ZRANB3: variants seen among roughly 807,000 people sequenced by gnomAD.
The protein encoded by ZRANB3 is DNA annealing helicase and endonuclease ZRANB3.
Under a neutral mutation model 133.8 loss-of-function variants are expected in ZRANB3, and 125 were observed. The ratio of observed to expected loss-of-function variants is 0.93; its 90% CI spans 0.81 to 1.08. ZRANB3 has a LOEUF of 1.08. Ranked by LOEUF, ZRANB3 falls within the 50% of genes least tolerant of loss-of-function variation. The pLI is 0.00. For synonymous variants in ZRANB3, 387 were observed against 432.7 expected (o/e 0.89, Z 1.31); for missense variants, 1,229 against 1,275.5 (o/e 0.96, Z 0.56).
chr2:135,494,472 T>G (rs1380478140), intron 2 of ZRANB3, among the ~76,000 whole-genome samples: 1 of 152,124 alleles, frequency 6.6e-6, no homozygotes, highest in African/African-American at 2.4e-5. Flanking sequence ...TGACAAAATT[T>G]GATTTGAACA....
At chr2:135,367,724 C>A (rs1239976681) in intron 3 of ZRANB3, among the ~76,000 whole-genome samples, 1 of 152,074 alleles carries the variant, frequency 6.6e-6, no homozygotes, top group Non-Finnish European at 1.5e-5. Flanking sequence ...TAACTTTTCC[C>A]TATAATGCAA....
intron 8 of ZRANB3, among the ~76,000 whole-genome samples, chr2:135,301,922 G>A (rs570470901): frequency 3.9e-5 from 6 of 152,274 alleles, no homozygotes; most frequent in African/African-American, 1.2e-4. Flanking sequence ...CACATAGTAG[G>A]CAATCAATAA....
chr2:135,248,883 G>A lies in ZRANB3; in HGVS notation c.1539+16651C>T, dbSNP rs980121766. On this transcript the variant is annotated intron_variant, in intron 12 of 20. Transcript: ENST00000264159. ...ATTGCACCATCACATTCCAGCCTGG[G>A]TGAGAAAGCAAGACTCTGTCTCAAC... 2.0e-5 allele frequency among the ~76,000 whole-genome samples: 3 copies of A among 152,088 alleles called. No individual in the cohort carries two copies. The East Asian group carries it at 5.8e-4, about 29-fold the overall frequency.
Position 135,354,590 on chromosome 2 carries a change from C to G in ZRANB3, c.181-962G>C, listed in dbSNP as rs1053768008. On this transcript the variant is annotated intron_variant, in intron 3 of 20. Transcript: ENST00000264159. ...CATATTCATACAATGGAGTACTATT[C>G]GGTAATAAAAAAAGAATGAACTCAT... Among the ~76,000 whole-genome samples the G allele has an allele frequency of 3.3e-5, 5 of 151,884 alleles. No homozygotes were observed. In the East Asian group the frequency reaches 7.7e-4, roughly 23 times the overall value.
intron 2 of ZRANB3, among the ~76,000 whole-genome samples, chr2:135,391,269 G>A (rs1314458395): frequency 6.6e-6 from 1 of 152,192 alleles, no homozygotes; most frequent in African/African-American, 2.4e-5. Flanking sequence ...ACATGGGCCA[G>A]TGCTGATTTT....
intron 12 of ZRANB3, among the ~76,000 whole-genome samples, chr2:135,249,120 G>A (rs1228148940): frequency 6.6e-6 from 1 of 152,212 alleles, no homozygotes; most frequent in East Asian, 1.9e-4. Context: ...AGGTTGCAGA[G>A]AAAAGGGAAC....
rs1317626235 is a variant in ZRANB3, at chr2:135,482,175, G to A, written c.161+22154C>T. 2.9e-5 allele frequency among the ~76,000 whole-genome samples: 4 copies of A among 139,912 alleles called. No homozygotes were observed. The East Asian group carries it at 5.9e-4, about 21-fold the overall frequency. The allele number at this position is 139,912 out of a possible 152,430, so 91.8% of individuals were successfully genotyped here. A position where few individuals can be genotyped will look rare whatever the true frequency, so the allele number is the denominator to read the frequency against. On this transcript the variant is annotated intron_variant, in intron 2 of 20. Coordinates refer to ENST00000264159, the MANE Select transcript of ZRANB3 (RefSeq NM_032143.4). ...AAGAAAGGCATTGGTAGCTTGATGG[G>A]GATGGCATTGAATCTGTAAATTACC... is the stretch of plus-strand genomic sequence containing the variant.
intron 6 of ZRANB3, among the ~76,000 whole-genome samples, chr2:135,337,819 G>T (rs1244060000): frequency 6.6e-6 from 1 of 152,026 alleles, no homozygotes; most frequent in African/African-American, 2.4e-5. Flanking sequence ...CTTTTATACA[G>T]AAGTAGTAAA....
intron 3 of ZRANB3, among the ~76,000 whole-genome samples, chr2:135,389,146 A>G (rs1350118790): frequency 6.6e-6 from 1 of 152,210 alleles, no homozygotes; most frequent in Non-Finnish European, 1.5e-5. Context: ...TCTTGTTTCA[A>G]AAGAAAAATT....
intron 2 of ZRANB3, among the ~76,000 whole-genome samples, chr2:135,459,940 G>A (rs951924153): frequency 1.3e-5 from 2 of 148,612 alleles, no homozygotes; most frequent in Non-Finnish European, 2.9e-5. Context: ...TGGTTCTGAA[G>A]TATTTTTTTC....
chr2:135,291,497 T>C (rs1681728339), intron 8 of ZRANB3, among the ~76,000 whole-genome samples: 1 of 152,128 alleles, frequency 6.6e-6, no homozygotes, highest in Non-Finnish European at 1.5e-5. Flanking sequence ...TTAATTATTC[T>C]TAGGTTTGGT....
At chr2:135,422,638 G>C (rs971534372) in intron 2 of ZRANB3, among the ~76,000 whole-genome samples, 5 of 152,106 alleles carry the variant, frequency 3.3e-5, no homozygotes, top group South Asian at 2.1e-4. Flanking sequence ...GGACAGACCA[G>C]AAAAGCAACC....
chr2:135,383,506 T>G (rs908226608), intron 3 of ZRANB3, among the ~76,000 whole-genome samples: 2 of 152,124 alleles, frequency 1.3e-5, no homozygotes, highest in African/African-American at 4.8e-5. Context: ...CTAATAGACA[T>G]CTACAGAACT....
chr2:135,498,697 C>T (rs1315621267), intron 2 of ZRANB3, among the ~76,000 whole-genome samples: 1 of 152,138 alleles, frequency 6.6e-6, no homozygotes, highest in African/African-American at 2.4e-5. Flanking sequence ...TTTTTCTCAG[C>T]AAGGAACATC....
chr2:135,421,744 G>C (rs1436961809), intron 2 of ZRANB3, among the ~76,000 whole-genome samples: 1 of 152,004 alleles, frequency 6.6e-6, no homozygotes, highest in Non-Finnish European at 1.5e-5. Flanking sequence ...CTGATCATTA[G>C]TTAGTACGGT....
chr2:135,462,164 C>A (rs1485383503), intron 2 of ZRANB3, among the ~76,000 whole-genome samples: 1 of 152,146 alleles, frequency 6.6e-6, no homozygotes, highest in Non-Finnish European at 1.5e-5. Context: ...TGCTGTACCA[C>A]AAATAAAAAC....
chr2:135,401,095 C>A (rs1223900608), intron 2 of ZRANB3, among the ~76,000 whole-genome samples: 1 of 152,040 alleles, frequency 6.6e-6, no homozygotes, highest in Non-Finnish European at 1.5e-5. Context: ...CTTCTTATTG[C>A]AGAATGATGA....
At chr2:135,264,470 C>CAAAAAAAAA (rs201380002) in intron 12 of ZRANB3, among the ~76,000 whole-genome samples, 3 of 64,958 alleles carry the variant, frequency 4.6e-5, no homozygotes, top group Admixed American at 1.5e-4. Context: ...GACTCTGTCT[C>CAAAAAAAAA]AAAAAAAAAA....
intron 2 of ZRANB3, among the ~76,000 whole-genome samples, chr2:135,468,975 C>A (rs967800376): frequency 6.6e-6 from 1 of 152,074 alleles, no homozygotes; most frequent in African/African-American, 2.4e-5. Flanking sequence ...ACAATGGAAC[C>A]ATACACGTTA....
Sources: allele counts gnomAD v4.1 joint callset (sites outside exome capture counted in the v4.1 genomes callset), GRCh38; gene constraint gnomAD v4.1.1; transcripts MANE v1.5; gene names NCBI Gene and HGNC (gene_info 2026-07-23, HGNC 2026-07-21).